MGMT: variants seen among roughly 807,000 people sequenced by gnomAD.
The protein encoded by MGMT is O-6-methylguanine-DNA methyltransferase.
In MGMT, 14 loss-of-function variants were observed where a neutral mutation model predicts 15.9. The observed-to-expected ratio is 0.88, with a 90% CI of 0.58 to 1.37. The LOEUF (loss-of-function observed/expected upper bound fraction) is 1.37, where lower values mean the gene tolerates loss of function less well. Among genes scored for constraint, MGMT ranks in the 40% most tolerant of loss-of-function variants. MGMT has a pLI of 0.00. For synonymous variants in MGMT, 130 were observed against 118.2 expected (o/e 1.10, Z -0.65); for missense variants, 282 against 268.1 (o/e 1.05, Z -0.36).
intron 2 of MGMT, among the ~76,000 whole-genome samples, chr10:129,594,478 CA>C (rs1304443083): frequency 6.6e-6 from 1 of 152,180 alleles, no homozygotes; most frequent in African/African-American, 2.4e-5. Context: ...ATTACTCTAG[CA>C]AAAGGCTCAG....
chr10:129,610,236 A>G (rs1275918046), intron 2 of MGMT, among the ~76,000 whole-genome samples: 1 of 152,164 alleles, frequency 6.6e-6, no homozygotes. Flanking sequence ...TAACAATTGC[A>G]CCTTATTCTT....
intron 2 of MGMT, among the ~76,000 whole-genome samples, chr10:129,684,961 GATGTGATGCTACAGTTCT>G (rs1464677677): frequency 2.6e-5 from 4 of 152,236 alleles, no homozygotes; most frequent in Admixed American, 2.0e-4. Flanking sequence ...TTTGCATCTT[GATGTGATGCTACAGTTCT>G]ATGACAGGCC....
In MGMT at chr10:129,767,718, A is replaced by C. The variant is rs559065337; in HGVS notation, c.*721A>C. 26 of 152,376 alleles carry C rather than the reference A, an allele frequency of 1.7e-4. No individual in the cohort carries two copies. The highest frequency in any genetic ancestry group is 6.0e-4 in the African/African-American group (25 of 41,564). 9.4% of individuals were successfully genotyped at this position (152,376 alleles called of 1,614,324 possible). A position where few individuals can be genotyped will look rare whatever the true frequency, so the allele number is the denominator to read the frequency against. The stretch of plus-strand genomic sequence containing the variant: ...ACCCTCTCTCCATACTCCCTGGCCT[A>C]GTGTGCTCTGGGCAGCAGGTAGGAA... On this transcript the variant is annotated 3_prime_UTR_variant, in exon 5 of 5. Coordinates refer to ENST00000651593, the MANE Select transcript of MGMT (RefSeq NM_002412.5).
chr10:129,729,269 G>T (rs939558820), intron 3 of MGMT, among the ~76,000 whole-genome samples: 1 of 152,198 alleles, frequency 6.6e-6, no homozygotes, highest in Non-Finnish European at 1.5e-5. Context: ...GTCTGATGGT[G>T]TTACCCACTG....
At chr10:129,567,985 C>T (rs1712609034) in intron 2 of MGMT, among the ~76,000 whole-genome samples, 2 of 152,134 alleles carry the variant, frequency 1.3e-5, no homozygotes, top group South Asian at 4.1e-4. Flanking sequence ...CTACTGTTCC[C>T]ATCGTAGCTT....
At chr10:129,470,976 G>A (rs539136749) in intron 1 of MGMT, among the ~76,000 whole-genome samples, 11 of 152,170 alleles carry the variant, frequency 7.2e-5, no homozygotes, top group Non-Finnish European at 1.2e-4. Flanking sequence ...ACTCCTAAAA[G>A]TTTCTTGGTA....
At chr10:129,488,476 T>C (rs564851639) in intron 1 of MGMT, among the ~76,000 whole-genome samples, 1 of 152,374 alleles carries the variant, frequency 6.6e-6, no homozygotes, top group African/African-American at 2.4e-5. Flanking sequence ...TTGTCTGTTA[T>C]ATGTGCTGCA....
At chr10:129,558,202 A>G (rs1008329179) in intron 2 of MGMT, among the ~76,000 whole-genome samples, 1 of 152,182 alleles carries the variant, frequency 6.6e-6, no homozygotes, top group Admixed American at 6.5e-5. Context: ...TTGTTGATAA[A>G]TGGCCAAATA....
intron 2 of MGMT, among the ~76,000 whole-genome samples, chr10:129,619,402 A>G (rs1847065267): frequency 6.6e-6 from 1 of 152,208 alleles, no homozygotes; most frequent in African/African-American, 2.4e-5. Flanking sequence ...AAATATACAA[A>G]TAATGCTGGT....
chr10:129,514,193 A>G (rs539175435), intron 1 of MGMT, among the ~76,000 whole-genome samples: 16 of 152,360 alleles, frequency 1.1e-4, no homozygotes, highest in Middle Eastern at 3.4e-3. Flanking sequence ...GAAATATACA[A>G]TAGAGGTTTT....
intron 4 of MGMT, among the ~76,000 whole-genome samples, chr10:129,766,111 G>A (rs997349135): frequency 6.6e-6 from 1 of 152,296 alleles, no homozygotes; most frequent in South Asian, 2.1e-4. Context: ...TGGCTGCGTG[G>A]TTGTGGTCCT....
chr10:129,497,828 C>T (rs141588550), intron 1 of MGMT, among the ~76,000 whole-genome samples: 10 of 152,318 alleles, frequency 6.6e-5, no homozygotes, highest in East Asian at 1.9e-4. Flanking sequence ...TCTTCCACCA[C>T]GTGAGGACGC....
At chr10:129,669,729 A>G (rs2133111549) in intron 2 of MGMT, among the ~76,000 whole-genome samples, 1 of 152,328 alleles carries the variant, frequency 6.6e-6, no homozygotes, top group African/African-American at 2.4e-5. Flanking sequence ...CTCAGAAATT[A>G]TATCCACTGT....
At chr10:129,727,102 T>C (rs564374765) in intron 3 of MGMT, among the ~76,000 whole-genome samples, 1 of 152,282 alleles carries the variant, frequency 6.6e-6, no homozygotes, top group South Asian at 2.1e-4. Flanking sequence ...GAGCCATGGG[T>C]TAGCCAGTCT....
chr10:129,550,322 C>T (rs544923987), intron 2 of MGMT, among the ~76,000 whole-genome samples: 4 of 151,688 alleles, frequency 2.6e-5, no homozygotes, highest in East Asian at 1.9e-4. Flanking sequence ...CAGCCACCAC[C>T]GCCGCCCAGC....
chr10:129,732,321 C>G (rs1237139645), intron 3 of MGMT, among the ~76,000 whole-genome samples: 1 of 131,304 alleles, frequency 7.6e-6, no homozygotes, highest in South Asian at 2.5e-4. Context: ...CACCCCCCGA[C>G]AGGCCCCAGT....
chr10:129,762,685 C>A (rs1848888590), intron 4 of MGMT, among the ~76,000 whole-genome samples: 1 of 152,170 alleles, frequency 6.6e-6, no homozygotes, highest in African/African-American at 2.4e-5. Context: ...CAGAGAGTCT[C>A]CCCACCTTTT....
chr10:129,606,007 T>C (rs1002420970), intron 2 of MGMT, among the ~76,000 whole-genome samples: 3 of 152,190 alleles, frequency 2.0e-5, no homozygotes, highest in Admixed American at 2.0e-4. Context: ...TTGTGAGGGC[T>C]GCGCAGTGCC....
At chr10:129,740,717 G>T (rs1023504983) in intron 3 of MGMT, among the ~76,000 whole-genome samples, 1 of 152,032 alleles carries the variant, frequency 6.6e-6, no homozygotes, top group African/African-American at 2.4e-5. Flanking sequence ...TCAGGAGAGC[G>T]CTGGCCCCAC....
Sources: gnomAD v4.1 joint callset for allele counts (sites outside exome capture counted in the v4.1 genomes callset) on GRCh38, gnomAD v4.1.1 for gene constraint, MANE v1.5 for transcripts, NCBI Gene and HGNC (gene_info 2026-07-23, HGNC 2026-07-21) for gene names.